Variants in HECTD4 observed in about 807,000 individuals in gnomAD.
The protein encoded by HECTD4 is probable E3 ubiquitin-protein ligase HECTD4.
A neutral mutation model predicts 471.5 loss-of-function variants in HECTD4; 114 were observed. The observed-to-expected ratio is 0.24, with a 90% CI of 0.21 to 0.28. The LOEUF is 0.28. Among genes scored for constraint, HECTD4 ranks in the 10% least tolerant of loss-of-function variants. The probability of loss-of-function intolerance (pLI) is 1.00; values close to 1 mark genes in which losing one functional copy is unlikely to be tolerated. For synonymous variants in HECTD4, 2,012 were observed against 2,256.0 expected (o/e 0.89, Z 3.07); for missense variants, 3,866 against 5,651.5 (o/e 0.68, Z 10.13).
At chr12:112,197,578 G>A (rs1335872169) in intron 55 of HECTD4, among the ~76,000 whole-genome samples, 1 of 152,132 alleles carries the variant, frequency 6.6e-6, no homozygotes, top group Non-Finnish European at 1.5e-5. Context: ...TCCAACCACC[G>A]AATGATCACA....
In HECTD4 at chr12:112,239,979, G is replaced by A. The variant is rs772622953; in HGVS notation, c.5007C>T (p.Ala1669=). 5.6e-6 allele frequency: 9 copies of A among 1,613,998 alleles called. No homozygotes were observed. The highest frequency in any genetic ancestry group is 3.4e-6 in the Non-Finnish European group (4 of 1,179,856). Residue 1669 remains alanine (A), a synonymous_variant, in exon 33 of 76, where the codon GCC becomes GCT. Transcript: ENST00000682272. This position sits in a 1 kb window ranked among gnomAD's most constrained non-coding sequence, Gnocchi z 4.9. ...CGGMVEQVQE[A]FGETMTSVVS... ...CAACAGAGGTCATGGTCTCGCCAAA[G>A]GCTTCCTGGACCTGCTCGACCATCC...
intron 44 of HECTD4, among the ~76,000 whole-genome samples, chr12:112,223,117 T>C (rs548023626): frequency 7.9e-5 from 12 of 152,302 alleles, no homozygotes; most frequent in African/African-American, 2.6e-4. Flanking sequence ...TGAGGTCTGA[T>C]GGTTCCGGTA....
intron 7 of HECTD4, among the ~76,000 whole-genome samples, chr12:112,296,229 A>G (rs2035009690): frequency 3.5e-5 from 5 of 143,854 alleles, no homozygotes; most frequent in Middle Eastern, 3.6e-3. Context: ...AGGTGCAGAC[A>G]GTGGTAGGTG....
rs760481763 is a variant in HECTD4 at position 112,193,964 on chromosome 12, G to A, written c.8750-290C>T. Among the ~76,000 whole-genome samples, 11 of 152,100 alleles carry A rather than the reference G, an allele frequency of 7.2e-5. No individual in the cohort carries two copies. On this transcript the variant is annotated intron_variant, in intron 56 of 75. Coordinates refer to ENST00000682272, the MANE Select transcript of HECTD4 (RefSeq NM_001388303.1). This position sits in a 1 kb window ranked among gnomAD's most constrained non-coding sequence, Gnocchi z 5.2. ...CAGGTCTACGAAATATATCAAATGG[G>A]GCTGCTTGGATCCAGGGGTTCCCAG...
chr12:112,261,166 C>T, intron 18 of HECTD4, 139 bp downstream of exon 18: 1 of 895,476 alleles, frequency 1.1e-6, no homozygotes, highest in South Asian at 3.0e-5. Context: ...GGCTTTCAAA[C>T]ACTTGCCCTT....
chr12:112,274,906 G>A lies in HECTD4; in HGVS notation c.1742C>T (p.Ala581Val), dbSNP rs1233862559. 2 of 1,550,156 alleles carry A rather than the reference G, an allele frequency of 1.3e-6. No individual in the cohort carries two copies. The highest frequency in any genetic ancestry group is 3.9e-5 in the Admixed American group (2 of 50,988). ...GCTTCCAGCAGCATCTATGAGATCTGCACGACTTGTAAACTGACCATCCGA... is the reference window on the plus strand; with the variant it reads ...GCTTCCAGCAGCATCTATGAGATCTACACGACTTGTAAACTGACCATCCGA... ...NISDGQFTSR[A>V]DLIDAAGSSL... The change falls in exon 10 of 76, where the codon GCA becomes GTA. Residue 581 changes from alanine to valine, a missense_variant. Transcript: ENST00000682272.
chr12:112,289,828 C>A (rs1285947819), intron 7 of HECTD4, among the ~76,000 whole-genome samples: 3 of 152,066 alleles, frequency 2.0e-5, no homozygotes, highest in African/African-American at 7.2e-5. Context: ...AGGTGTGTAC[C>A]ACCACGCCCA....
At position 112,229,835 on chromosome 12, in the gene HECTD4, C is replaced by T. The variant is rs772403031; in HGVS notation, c.6382G>A (p.Ala2128Thr). 1.5e-5 allele frequency: 25 copies of T among 1,613,874 alleles called. No homozygotes were observed. The highest frequency in any genetic ancestry group is 2.7e-5 in the African/African-American group (2 of 74,932). ...CTGCCATTTTCCAGAATGCTTTCTG[C>T]GTATTTCCCCAATTGTGGAATGTAC... ...LMYIPQLGKY[A>T]ESILENGSSS... Residue 2128 changes from alanine (A) to threonine (T), a missense_variant, in exon 41 of 76, where the codon GCA (alanine) becomes ACA (threonine). Transcript: ENST00000682272.
At chr12:112,340,192 T>C (rs1424274117) in intron 1 of HECTD4, among the ~76,000 whole-genome samples, 1 of 152,254 alleles carries the variant, frequency 6.6e-6, no homozygotes. Context: ...TTGGTTGTTA[T>C]TCCAGTACTG....
intron 7 of HECTD4, 76 bp downstream of exon 7, chr12:112,305,988 C>T: frequency 7.2e-7 from 1 of 1,386,796 alleles, no homozygotes; most frequent in African/African-American, 1.4e-5. Flanking sequence ...GTTCTTAGGC[C>T]CTTTGCACAC....
intron 17 of HECTD4, among the ~76,000 whole-genome samples, chr12:112,263,483 A>G (rs1021694392): frequency 2.0e-5 from 3 of 152,180 alleles, no homozygotes; most frequent in African/African-American, 7.2e-5. Flanking sequence ...ATGGCTATAA[A>G]AAAATCTTTG....
At chr12:112,333,891 T>C (rs2035888808) in intron 1 of HECTD4, among the ~76,000 whole-genome samples, 1 of 152,064 alleles carries the variant, frequency 6.6e-6, no homozygotes, top group African/African-American at 2.4e-5. Context: ...GGTAAGCAAA[T>C]GGCTGATGAG....
intron 68 of HECTD4, 29 bp downstream of exon 68, chr12:112,171,088 G>GCAGGGC (rs780611754): frequency 6.3e-7 from 1 of 1,580,638 alleles, no homozygotes; most frequent in South Asian, 1.1e-5. Context: ...CTCTCTTCCT[G>GCAGGGC]CAGGGCCAGG....
At chr12:112,198,138 A>G (rs1052403646) in intron 55 of HECTD4, among the ~76,000 whole-genome samples, 1 of 152,208 alleles carries the variant, frequency 6.6e-6, no homozygotes, top group African/African-American at 2.4e-5. Context: ...CCCGGCCCAC[A>G]AGAACAAATT....
At chr12:112,251,806 T>A (rs1045459922) in intron 23 of HECTD4, among the ~76,000 whole-genome samples, 1 of 152,240 alleles carries the variant, frequency 6.6e-6, no homozygotes, top group Non-Finnish European at 1.5e-5. Context: ...GGAGTCTCAC[T>A]CTATCACCCA....
chr12:112,243,863 T>G lies in HECTD4; in HGVS notation c.4649+11A>C. The G allele has an allele frequency of 6.2e-7, 1 of 1,613,128 alleles. No individual in the cohort carries two copies. The highest frequency in any genetic ancestry group is 8.5e-7 in the Non-Finnish European group (1 of 1,179,160). Reference sequence around the variant, plus strand: ...CATGTGGGAACCCAACCCCGGCCATTAGCCATTTACCTCTGATTTGCTCTA... The same window carrying G: ...CATGTGGGAACCCAACCCCGGCCATGAGCCATTTACCTCTGATTTGCTCTA... On this transcript the variant is annotated intron_variant, in intron 30 of 75. Coordinates refer to ENST00000682272, the MANE Select transcript of HECTD4 (RefSeq NM_001388303.1). The surrounding 1 kb of genome is among the most constrained non-coding windows in gnomAD (Gnocchi z 6.6).
chr12:112,208,933 A>C (rs2032677755), intron 50 of HECTD4, among the ~76,000 whole-genome samples: 1 of 116,106 alleles, frequency 8.6e-6, no homozygotes, highest in Non-Finnish European at 1.6e-5. Flanking sequence ...ACAGAAGCTC[A>C]CTCTGTTGCC....
intron 29 of HECTD4, among the ~76,000 whole-genome samples, chr12:112,246,297 GACTAATTGTAT>G (rs1363328407): frequency 6.6e-6 from 1 of 152,046 alleles, no homozygotes; most frequent in African/African-American, 2.4e-5. Flanking sequence ...TTATGATGTT[GACTAATTGTAT>G]ATGTTACTAT....
chr12:112,276,645 C>T (rs542600039), intron 9 of HECTD4, among the ~76,000 whole-genome samples: 2 of 152,272 alleles, frequency 1.3e-5, no homozygotes, highest in African/African-American at 4.8e-5. Context: ...TGGGGTTTCA[C>T]CACGTTGGCC....
Sources: allele counts gnomAD v4.1 joint callset (sites outside exome capture counted in the v4.1 genomes callset), GRCh38; gene constraint gnomAD v4.1.1; non-coding constraint Gnocchi (gnomAD v3.1); transcripts MANE v1.5; gene names NCBI Gene and HGNC (gene_info 2026-07-23, HGNC 2026-07-21).